Variants in GLRA3 observed in about 807,000 individuals in gnomAD.
The protein encoded by GLRA3 is glycine receptor alpha 3.
Under a neutral mutation model 60.4 loss-of-function variants are expected in GLRA3, and 44 were observed. The ratio of observed to expected loss-of-function variants is 0.73; its 90% CI spans 0.57 to 0.94. The LOEUF (loss-of-function observed/expected upper bound fraction) is 0.94. Ranked by LOEUF, GLRA3 falls within the 40% of genes least tolerant of loss-of-function variation. GLRA3 has a pLI of 0.00. For missense variants in GLRA3, 508 were observed against 564.6 expected (o/e 0.90, Z 1.02); for synonymous variants, 223 against 192.9 (o/e 1.16, Z -1.29).
intron 4 of GLRA3, among the ~76,000 whole-genome samples, chr4:174,727,587 A>C (rs563012933): frequency 6.6e-6 from 1 of 152,198 alleles, no homozygotes; most frequent in Non-Finnish European, 1.5e-5. Context: ...TTAGAAAAAC[A>C]ATTATGGAAA....
intron 3 of GLRA3, among the ~76,000 whole-genome samples, chr4:174,731,443 A>G (rs1454987242): frequency 1.3e-5 from 2 of 152,174 alleles, no homozygotes; most frequent in East Asian, 3.9e-4. Context: ...AAGAAGAAAA[A>G]GGGCCTTGTA....
At chr4:174,646,051 T>G (rs1029831441) in intron 9 of GLRA3, among the ~76,000 whole-genome samples, 2 of 152,226 alleles carry the variant, frequency 1.3e-5, no homozygotes, top group African/African-American at 4.8e-5. Flanking sequence ...GCAACCTATG[T>G]GTTAAAAGAC....
At chr4:174,815,874 A>C (rs755258374) in intron 1 of GLRA3, among the ~76,000 whole-genome samples, 4 of 152,136 alleles carry the variant, frequency 2.6e-5, no homozygotes, top group Admixed American at 6.5e-5. Flanking sequence ...GGTGACTAAC[A>C]TTTGGCTTCC....
chr4:174,644,132 A>G, intron 9 of GLRA3, 68 bp from the exon 10 acceptor site: 1 of 839,582 alleles, frequency 1.2e-6, no homozygotes, highest in Non-Finnish European at 1.9e-6. Context: ...GCATCTCAGA[A>G]TCATAACCAA....
chr4:174,810,647 G>A (rs1740224124), intron 1 of GLRA3, among the ~76,000 whole-genome samples: 1 of 151,976 alleles, frequency 6.6e-6, no homozygotes, highest in South Asian at 2.1e-4. Flanking sequence ...TATTACCTAA[G>A]TAATTGTAAG....
intron 4 of GLRA3, among the ~76,000 whole-genome samples, chr4:174,715,871 G>A (rs778075254): frequency 5.3e-5 from 8 of 152,084 alleles, no homozygotes; most frequent in Non-Finnish European, 1.0e-4. Flanking sequence ...TAAGCATCCC[G>A]TCATATTTAT....
chr4:174,787,227 A>G (rs1739158649), intron 2 of GLRA3, among the ~76,000 whole-genome samples: 1 of 152,122 alleles, frequency 6.6e-6, no homozygotes, highest in African/African-American at 2.4e-5. Context: ...ATGCTTTTTA[A>G]ATATTCACAG....
rs928814161 is a variant in GLRA3, at chr4:174,638,463, T to C, written c.*5323A>G. On this transcript the variant is annotated 3_prime_UTR_variant, in exon 10 of 10. Transcript: ENST00000274093. The stretch of plus-strand genomic sequence containing the variant: ...GCACCTGCCATCATGCCTGGCTAAT[T>C]TTTGTATTTTTAGTAGAGACAGGGT... 4.6e-5 allele frequency: 7 copies of C among 152,130 alleles called. No homozygotes were observed. Among genetic ancestry groups the C allele is most frequent in the Non-Finnish European group, 7.3e-5 (5 of 68,056 alleles). The allele number at this position is 152,130 out of a possible 1,614,324, so 9.4% of individuals were successfully genotyped here.
intron 1 of GLRA3, among the ~76,000 whole-genome samples, chr4:174,798,790 G>A (rs924087007): frequency 1.3e-5 from 2 of 152,184 alleles, no homozygotes; most frequent in Non-Finnish European, 1.5e-5. Context: ...TGGGTGTGGT[G>A]GTGAGCGCCT....
At chr4:174,719,086 C>T (rs568033577) in intron 4 of GLRA3, among the ~76,000 whole-genome samples, 2 of 151,326 alleles carry the variant, frequency 1.3e-5, no homozygotes, top group South Asian at 4.2e-4. Flanking sequence ...GCCTCAGCCT[C>T]CCGAGTAGCT....
intron 5 of GLRA3, among the ~76,000 whole-genome samples, chr4:174,699,060 T>C (rs13125271): frequency 0.77 from 115,772 of 151,236 alleles, 44,661 homozygotes; most frequent in South Asian, 0.82. Context: ...TGCAGTGGTG[T>C]GATCTCAGCT....
At chr4:174,649,455 T>C (rs1732952322) in intron 9 of GLRA3, among the ~76,000 whole-genome samples, 1 of 152,208 alleles carries the variant, frequency 6.6e-6, no homozygotes, top group Non-Finnish European at 1.5e-5. Flanking sequence ...TTGAGCCTAG[T>C]CCTGGGCAAG....
At chr4:174,692,970 CTGTT>C (rs1187516959) in intron 5 of GLRA3, among the ~76,000 whole-genome samples, 1 of 151,276 alleles carries the variant, frequency 6.6e-6, no homozygotes, top group African/African-American at 2.4e-5. Flanking sequence ...AGAAAAGTGT[CTGTT>C]TATGTCATTT....
At chr4:174,822,899 T>C (rs936007202) in intron 1 of GLRA3, among the ~76,000 whole-genome samples, 2 of 152,190 alleles carry the variant, frequency 1.3e-5, no homozygotes, top group African/African-American at 4.8e-5. Context: ...TAAAAGCATC[T>C]CTAGTAAGGA....
intron 2 of GLRA3, among the ~76,000 whole-genome samples, chr4:174,778,927 T>C (rs1448369024): frequency 6.6e-6 from 1 of 151,994 alleles, no homozygotes; most frequent in Non-Finnish European, 1.5e-5. Context: ...CTTGCTTAGG[T>C]AAACAAAGCA....
Position 174,644,045 on chromosome 4 carries a change from C to G in GLRA3, c.1136G>C (p.Ser379Thr), listed in dbSNP as rs1179069123. The change falls in exon 10 of 10, where the codon AGC (serine) becomes ACC (threonine). Residue 379 changes from serine to threonine, a missense_variant. Physicochemically the swap from Ser to Thr is moderately conservative, Grantham distance 58. Transcript: ENST00000274093. ...TCCATAGGCTGTGAAGCTGAATCGGCTTTCCCTTACCTCATCATCCTGTCA... is the reference window on the plus strand; with the variant it reads ...TCCATAGGCTGTGAAGCTGAATCGGGTTTCCCTTACCTCATCATCCTGTCA... ...FSDMDDEVRE[S>T]RFSFTAYGMG... 1 of 1,612,418 alleles carries G rather than the reference C, an allele frequency of 6.2e-7. No individual in the cohort carries two copies. The highest frequency in any genetic ancestry group is 8.5e-7 in the Non-Finnish European group (1 of 1,178,834).
In GLRA3 at chr4:174,665,954, G is replaced by A. The variant is rs542816207; in HGVS notation, c.928-6757C>T. Among the ~76,000 whole-genome samples, 4 of 152,164 alleles carry A rather than the reference G, an allele frequency of 2.6e-5. No individual in the cohort carries two copies. In the South Asian group the frequency reaches 6.2e-4, roughly 24 times the overall value. ...AACACTTAATCCCCACAACAATAGAGGGAATCATCCTTATTTTAAAGATGA... is the reference window on the plus strand; with the variant it reads ...AACACTTAATCCCCACAACAATAGAAGGAATCATCCTTATTTTAAAGATGA... On this transcript the variant is annotated intron_variant, in intron 7 of 9. Coordinates refer to ENST00000274093, the MANE Select transcript of GLRA3 (RefSeq NM_006529.4).
At chr4:174,816,893 T>G (rs1209905065) in intron 1 of GLRA3, among the ~76,000 whole-genome samples, 10 of 152,218 alleles carry the variant, frequency 6.6e-5, no homozygotes, top group African/African-American at 2.4e-4. Context: ...GCATGAGATT[T>G]TTTGATACAG....
intron 1 of GLRA3, among the ~76,000 whole-genome samples, chr4:174,795,029 A>G (rs1428851574): frequency 6.6e-6 from 1 of 150,630 alleles, no homozygotes; most frequent in Non-Finnish European, 1.5e-5. Flanking sequence ...AAATAAATAA[A>G]TAATTATATA....
Sources: allele counts gnomAD v4.1 joint callset (sites outside exome capture counted in the v4.1 genomes callset), GRCh38; gene constraint gnomAD v4.1.1; transcripts MANE v1.5; gene names NCBI Gene and HGNC (gene_info 2026-07-23, HGNC 2026-07-21).